RECK: variants seen among roughly 807,000 people sequenced by gnomAD.
RECK encodes reversion inducing cysteine rich protein with kazal motifs.
A neutral mutation model predicts 115.1 loss-of-function variants in RECK; 69 were observed. The ratio of observed to expected loss-of-function variants is 0.60; its 90% confidence interval spans 0.49 to 0.73. The LOEUF is 0.73. RECK is among the 30% of genes least tolerant of loss of function. RECK has a pLI of 0.00. For synonymous variants in RECK, 414 were observed against 419.7 expected, an observed-to-expected ratio of 0.99 and a Z score of 0.17; for missense variants, 1,047 against 1,203.7, an observed-to-expected ratio of 0.87 and a Z score of 1.93.
chr9:36,068,897 A>T (rs528336450), intron 6 of RECK, among the ~76,000 whole-genome samples: 1 of 152,296 alleles, frequency 6.6e-6, no homozygotes, highest in African/African-American at 2.4e-5. Flanking sequence ...TGCAGCCCAA[A>T]TTTGTATCAA....
Position 36,108,176 on chromosome 9 carries a change from G to A in RECK, c.1765+12G>A. 6.4e-7 allele frequency: 1 copy of A among 1,565,472 alleles called. No individual in the cohort carries two copies. The highest frequency in any genetic ancestry group is 1.7e-4 in the Middle Eastern group (1 of 5,798). The stretch of plus-strand genomic sequence containing the variant: ...AGGAAAAAGAAAAAGTGAGTCTTAA[G>A]CTCTGATTTTGTTTTTAATATGAGA... On this transcript the variant is annotated intron_variant, in intron 14 of 20. Transcript: ENST00000377966.
chr9:36,071,588 A>C (rs932760296), intron 6 of RECK, among the ~76,000 whole-genome samples: 1 of 151,854 alleles, frequency 6.6e-6, no homozygotes, highest in Non-Finnish European at 1.5e-5. Flanking sequence ...TTTTCTTTAT[A>C]TTTTCAGAAA....
chr9:36,104,392 C>G (rs1168973072), intron 12 of RECK, among the ~76,000 whole-genome samples: 4 of 113,758 alleles, frequency 3.5e-5, no homozygotes, highest in Admixed American at 3.5e-4. Flanking sequence ...GTTGCCCAGG[C>G]TGGAGTGCAG....
In RECK at chr9:36,087,886, T is replaced by C. The variant is rs1378305366; in HGVS notation, c.830T>C (p.Val277Ala). 6.2e-7 allele frequency: 1 copy of C among 1,613,400 alleles called. No homozygotes were observed. Among genetic ancestry groups the C allele is most frequent in the Non-Finnish European group, 8.5e-7 (1 of 1,179,464 alleles). ...CAATCTGTTCACCCTGGAGTCACTG[T>C]ACACCCTCCTCCCTCTACAGGCCTC... ...SSQSVHPGVTVHPPPSTGLDG... is the reference protein window; with the variant it reads ...SSQSVHPGVTAHPPPSTGLDG... Residue 277 changes from valine to alanine, a missense_variant, in exon 9 of 21, where the codon GTA becomes GCA. Val to Ala is a moderately conservative substitution (Grantham distance 64). Transcript: ENST00000377966.
intron 12 of RECK, among the ~76,000 whole-genome samples, chr9:36,104,301 T>C (rs1564130756): frequency 2.4e-3 from 144 of 60,280 alleles, no homozygotes; most frequent in African/African-American, 0.013. Flanking sequence ...TGTATATATA[T>C]ATATATATAT....
Position 36,110,095 on chromosome 9 carries a change from C to A in RECK, c.1888+16C>A. On this transcript the variant is annotated intron_variant, in intron 15 of 20. Transcript: ENST00000377966. ...ACCTTCACAGGTGACTGTGATCGCC[C>A]AGAGTCTGTCCTCAGGGGCCATCAT... The A allele has an allele frequency of 6.3e-7, 1 of 1,591,262 alleles. No homozygotes were observed. The highest frequency in any genetic ancestry group is 1.1e-5 in the South Asian group (1 of 90,358).
At chr9:36,089,403 A>C (rs1208986422) in intron 9 of RECK, among the ~76,000 whole-genome samples, 1 of 152,222 alleles carries the variant, frequency 6.6e-6, no homozygotes, top group Non-Finnish European at 1.5e-5. Flanking sequence ...ACCTTAGGAG[A>C]TAATTGGAGA....
intron 7 of RECK, among the ~76,000 whole-genome samples, chr9:36,082,492 C>T (rs1296691931): frequency 3.3e-5 from 5 of 152,200 alleles, no homozygotes; most frequent in South Asian, 2.1e-4. Flanking sequence ...TCCTCCCATA[C>T]CTCTACCTCT....
At chr9:36,088,031 C>A in intron 9 of RECK, 70 bp downstream of exon 9, 1 of 1,155,942 alleles carries the variant, frequency 8.7e-7, no homozygotes, top group East Asian at 2.4e-5. Context: ...TTAAGCCTAG[C>A]AAACGTGTGT....
At chr9:36,057,692 A>C (rs1022467914) in intron 2 of RECK, among the ~76,000 whole-genome samples, 21 of 152,168 alleles carry the variant, frequency 1.4e-4, no homozygotes, top group Non-Finnish European at 2.8e-4. Flanking sequence ...TTTGTGGCTC[A>C]TGCCCAAGGT....
chr9:36,123,972 CAT>C lies in RECK; in HGVS notation c.*928_*929del, dbSNP rs1291423579. The stretch of plus-strand genomic sequence containing the variant: ...ATAGCCATATTTGTAAAATGACAAT[CAT>C]GTGTGTTAACCCAGTGCTTTCCATT... On this transcript the variant is annotated 3_prime_UTR_variant, in exon 21 of 21. Coordinates refer to ENST00000377966, the MANE Select transcript of RECK (RefSeq NM_021111.3). 2.0e-5 allele frequency: 3 copies of C among 152,740 alleles called. No homozygotes were observed. The highest frequency in any genetic ancestry group is 2.1e-4 in the South Asian group (1 of 4,830). 9.5% of individuals were successfully genotyped at this position (152,740 alleles called of 1,614,324 possible).
intron 10 of RECK, among the ~76,000 whole-genome samples, chr9:36,092,302 G>A (rs766424293): frequency 4.6e-5 from 7 of 152,018 alleles, no homozygotes; most frequent in South Asian, 2.1e-4. Context: ...TATGAACTCC[G>A]CACAAAATAT....
Position 36,122,760 on chromosome 9 carries a change from G to C in RECK, c.2695-64G>C, listed in dbSNP as rs894463732. The C allele has an allele frequency of 4.5e-6, 6 of 1,341,702 alleles. No individual in the cohort carries two copies. In the African/African-American group the frequency reaches 8.7e-5, roughly 19 times the overall value. 83.1% of individuals were successfully genotyped at this position (1,341,702 alleles called of 1,614,324 possible). ...TACTTTTAGGATATACGTGGAATTT[G>C]TCTGGCTTGATGTTGAAAACGTTCT... On this transcript the variant is annotated intron_variant, in intron 20 of 20. Transcript: ENST00000377966.
chr9:36,113,344 C>A, intron 16 of RECK, among the ~76,000 whole-genome samples: 1 of 152,150 alleles, frequency 6.6e-6, no homozygotes, highest in East Asian at 1.9e-4. Flanking sequence ...GAGACTCTCT[C>A]ATGTGTTAAA....
rs540111109 is a variant in RECK, at chr9:36,118,141, G to A, written c.2254-616G>A. Among the ~76,000 whole-genome samples the A allele has an allele frequency of 5.9e-5, 9 of 152,270 alleles. No homozygotes were observed. In the East Asian group the frequency reaches 1.7e-3, roughly 29 times the overall value. Reference sequence around the variant, plus strand: ...TTGCTTCACATTCTCTGGTCTTCATGGTTAGAAAAATTCCATCATGATGTC... The same window carrying A: ...TTGCTTCACATTCTCTGGTCTTCATAGTTAGAAAAATTCCATCATGATGTC... On this transcript the variant is annotated intron_variant, in intron 17 of 20. Coordinates refer to ENST00000377966, the MANE Select transcript of RECK (RefSeq NM_021111.3).
chr9:36,075,801 A>G (rs1822425294), intron 6 of RECK, among the ~76,000 whole-genome samples: 2 of 152,350 alleles, frequency 1.3e-5, no homozygotes, highest in South Asian at 4.1e-4. Context: ...AGTTAAGTAG[A>G]AAGTACTGGG....
intron 9 of RECK, among the ~76,000 whole-genome samples, chr9:36,088,387 G>C (rs950081438): frequency 7.9e-5 from 12 of 152,154 alleles, no homozygotes; most frequent in African/African-American, 2.7e-4. Context: ...ACCAGAGTTA[G>C]GTGGTAGCAT....
intron 3 of RECK, 105 bp downstream of exon 3, chr9:36,059,006 G>A: frequency 3.1e-6 from 2 of 653,728 alleles, no homozygotes; most frequent in Non-Finnish European, 4.7e-6. Flanking sequence ...GGAATTTGTG[G>A]TCAAAATAAA....
chr9:36,054,499 T>TAA (rs56001338), intron 2 of RECK, among the ~76,000 whole-genome samples: 11,827 of 127,052 alleles, frequency 0.093, 701 homozygotes, highest in East Asian at 0.3. Flanking sequence ...GCCCTTAGTT[T>TAA]AAAAAAAAAA....
Sources: gnomAD v4.1 joint callset for allele counts (sites outside exome capture counted in the v4.1 genomes callset) on GRCh38, gnomAD v4.1.1 for gene constraint, MANE v1.5 for transcripts, NCBI Gene and HGNC (gene_info 2026-07-23, HGNC 2026-07-21) for gene names.